Variants in DLGAP2 observed in about 807,000 individuals in gnomAD.
DLGAP2 encodes disks large-associated protein 2.
A neutral mutation model predicts 100.3 loss-of-function variants in DLGAP2; 26 were observed. That is an observed-to-expected ratio of 0.26 (90% CI 0.19 to 0.36). The LOEUF (loss-of-function observed/expected upper bound fraction) is 0.36. Among genes scored for constraint, DLGAP2 ranks in the 10% least tolerant of loss-of-function variants. DLGAP2 has a pLI of 1.00. For synonymous variants in DLGAP2, 886 were observed against 630.1 expected, an observed-to-expected ratio of 1.41 and a Z score of -6.08; for missense variants, 1,858 against 1,453.2, an observed-to-expected ratio of 1.28 and a Z score of -4.53.
intron 6 of DLGAP2, among the ~76,000 whole-genome samples, chr8:1,619,093 A>G (rs1243585799): frequency 6.6e-6 from 1 of 152,234 alleles, no homozygotes; most frequent in Non-Finnish European, 1.5e-5. Context: ...AATAAGGGAA[A>G]TGTCTGTCTG....
intron 3 of DLGAP2, among the ~76,000 whole-genome samples, chr8:1,499,048 G>A (rs1799627973): frequency 6.6e-6 from 1 of 152,230 alleles, no homozygotes. Flanking sequence ...GCGGGTGGGA[G>A]GAGATCAGGC....
intron 1 of DLGAP2, among the ~76,000 whole-genome samples, chr8:812,425 C>T (rs113480684): frequency 1.1e-4 from 16 of 152,220 alleles, no homozygotes; most frequent in Non-Finnish European, 2.1e-4. Flanking sequence ...CTGCCGGCCC[C>T]GCCAGACTCT....
At chr8:1,582,849 C>T (rs1006478672) in intron 6 of DLGAP2, among the ~76,000 whole-genome samples, 13 of 152,132 alleles carry the variant, frequency 8.5e-5, no homozygotes, top group Admixed American at 3.3e-4. Flanking sequence ...CCACCCTCCT[C>T]GGCTTCCTAA....
At chr8:1,446,740 C>G (rs1454404852) in intron 3 of DLGAP2, among the ~76,000 whole-genome samples, 1 of 152,148 alleles carries the variant, frequency 6.6e-6, no homozygotes, top group Non-Finnish European at 1.5e-5. Flanking sequence ...AATGTTGTTT[C>G]ATTTCTTTGT....
At chr8:951,014 G>A (rs927113423) in intron 2 of DLGAP2, among the ~76,000 whole-genome samples, 1 of 152,066 alleles carries the variant, frequency 6.6e-6, no homozygotes, top group African/African-American at 2.4e-5. Flanking sequence ...TGATTATTTG[G>A]ATTCCTATTT....
intron 6 of DLGAP2, among the ~76,000 whole-genome samples, chr8:1,599,842 C>G (rs923142375): frequency 6.6e-6 from 1 of 152,084 alleles, no homozygotes; most frequent in Admixed American, 6.5e-5. Flanking sequence ...CAGTTTGTGT[C>G]TTTTAACTGG....
rs1320292517 is a variant in DLGAP2, at chr8:1,490,041, G to A, written c.107-11325G>A. Among the ~76,000 whole-genome samples the A allele has an allele frequency of 2.6e-5, 4 of 151,652 alleles. No homozygotes were observed. In the South Asian group the frequency reaches 6.2e-4, roughly 24 times the overall value. ...CGAGTAGCTGGGATTACAGGCACCTGCCACCGCACCCGGCTATTTTTTTTG... is the reference window on the plus strand; with the variant it reads ...CGAGTAGCTGGGATTACAGGCACCTACCACCGCACCCGGCTATTTTTTTTG... On this transcript the variant is annotated intron_variant, in intron 3 of 14. Transcript: ENST00000637795.
intron 3 of DLGAP2, chr8:1,300,166 C>T (rs1292903593): frequency 3.3e-5 from 5 of 152,218 alleles, no homozygotes; most frequent in Admixed American, 1.3e-4. Context: ...CAAAATTCAG[C>T]CCCTAGCAAT....
chr8:1,684,458 A>C (rs544762085), intron 12 of DLGAP2, among the ~76,000 whole-genome samples: 1 of 152,252 alleles, frequency 6.6e-6, no homozygotes, highest in Admixed American at 6.5e-5. Flanking sequence ...TTTAAAATAA[A>C]GATTAAATTA....
intron 11 of DLGAP2, 23 bp downstream of exon 11, chr8:1,676,641 G>A (rs377217252): frequency 3.1e-5 from 49 of 1,602,436 alleles, no homozygotes; most frequent in Admixed American, 5.1e-5. Flanking sequence ...CTCCTGACAC[G>A]CGGTGACCCC....
At chr8:1,177,553 C>T (rs756332415) in intron 2 of DLGAP2, among the ~76,000 whole-genome samples, 1 of 152,180 alleles carries the variant, frequency 6.6e-6, no homozygotes, top group Non-Finnish European at 1.5e-5. Context: ...TTGTTTGTGT[C>T]TTTACTCTTA....
At chr8:1,506,109 A>G (rs1799903519) in intron 4 of DLGAP2, among the ~76,000 whole-genome samples, 1 of 152,268 alleles carries the variant, frequency 6.6e-6, no homozygotes, top group African/African-American at 2.4e-5. Flanking sequence ...TTTATATAAT[A>G]GAACATCAGC....
chr8:1,439,695 T>C (rs1356680032), intron 3 of DLGAP2, among the ~76,000 whole-genome samples: 1 of 152,182 alleles, frequency 6.6e-6, no homozygotes, highest in African/African-American at 2.4e-5. Flanking sequence ...GTATGTCTCC[T>C]GCTCACCTTC....
intron 12 of DLGAP2, among the ~76,000 whole-genome samples, chr8:1,683,788 A>G (rs1315612690): frequency 7.2e-6 from 1 of 139,260 alleles, no homozygotes; most frequent in East Asian, 2.1e-4. Flanking sequence ...TTCCCATTCT[A>G]TAGACATCCA....
intron 2 of DLGAP2, among the ~76,000 whole-genome samples, chr8:986,803 G>A (rs1800500581): frequency 6.6e-6 from 1 of 151,988 alleles, no homozygotes; most frequent in Admixed American, 6.6e-5. Context: ...AGGATTATAG[G>A]CACCTGCCAC....
intron 2 of DLGAP2, among the ~76,000 whole-genome samples, chr8:1,170,081 T>C (rs1033010884): frequency 1.3e-5 from 2 of 152,174 alleles, no homozygotes; most frequent in Non-Finnish European, 2.9e-5. Flanking sequence ...TATTGAGAGT[T>C]TTTAGCATGA....
rs184475835 is a variant in DLGAP2, at chr8:814,968, T to G, written c.18+77143T>G. 1.1e-4 allele frequency among the ~76,000 whole-genome samples: 17 copies of G among 152,008 alleles called. No homozygotes were observed. In the East Asian group the frequency reaches 3.1e-3, roughly 28 times the overall value. ...AGAAAACATTAATGAAATAGAAGAT[T>G]AAGCTAAAGAAATTTCCTAGTGTTA... is the stretch of plus-strand genomic sequence containing the variant. On this transcript the variant is annotated intron_variant, in intron 1 of 14. Coordinates refer to ENST00000637795, the MANE Select transcript of DLGAP2 (RefSeq NM_001346810.2).
intron 2 of DLGAP2, among the ~76,000 whole-genome samples, chr8:1,104,562 G>A (rs1804691466): frequency 2.0e-5 from 3 of 152,174 alleles, no homozygotes; most frequent in Admixed American, 1.3e-4. Flanking sequence ...CAATAACAGA[G>A]GCCCGAATGG....
chr8:1,327,592 C>G (rs1167670295), intron 3 of DLGAP2, among the ~76,000 whole-genome samples: 1 of 152,140 alleles, frequency 6.6e-6, no homozygotes, highest in African/African-American at 2.4e-5. Context: ...TGCCTGTAAT[C>G]CCAGCACTTT....
Sources: gnomAD v4.1 joint callset for allele counts (sites outside exome capture counted in the v4.1 genomes callset) on GRCh38, gnomAD v4.1.1 for gene constraint, MANE v1.5 for transcripts, NCBI Gene and HGNC (gene_info 2026-07-23, HGNC 2026-07-21) for gene names.